The following CFAP206 variants were observed in gnomAD, a reference collection of about 807,000 sequenced individuals.
CFAP206 encodes cilia and flagella associated protein 206.
Under a neutral mutation model 65.4 loss-of-function variants are expected in CFAP206, and 53 were observed. The observed-to-expected ratio is 0.81, with a 90% CI of 0.65 to 1.02. The LOEUF (loss-of-function observed/expected upper bound fraction) is 1.02. CFAP206 is among the 50% of genes least tolerant of loss of function. The pLI is 0.00. For missense variants in CFAP206, 663 were observed against 753.2 expected (o/e 0.88, Z 1.40); for synonymous variants, 250 against 254.4 (o/e 0.98, Z 0.17).
intron 12 of CFAP206, among the ~76,000 whole-genome samples, chr6:87,462,275 C>T (rs1768762686): frequency 6.6e-6 from 1 of 152,188 alleles, no homozygotes; most frequent in South Asian, 2.1e-4. Context: ...ATTTCCTTTG[C>T]TACTCACTCT....
chr6:87,446,466 G>C (rs1360544304), intron 11 of CFAP206, among the ~76,000 whole-genome samples: 2 of 152,062 alleles, frequency 1.3e-5, no homozygotes, highest in Non-Finnish European at 2.9e-5. Flanking sequence ...ATTAAATAGG[G>C]CATCCTTTCC....
intron 6 of CFAP206, 27 bp from the exon 7 acceptor site, chr6:87,418,181 G>T (rs763708093): frequency 1.9e-6 from 3 of 1,605,604 alleles, no homozygotes; most frequent in Admixed American, 3.3e-5. Flanking sequence ...CTCCTTTATG[G>T]CTGCCTTTTC....
intron 7 of CFAP206, among the ~76,000 whole-genome samples, chr6:87,420,673 T>C (rs1422359475): frequency 6.6e-6 from 1 of 152,210 alleles, no homozygotes; most frequent in Non-Finnish European, 1.5e-5. Flanking sequence ...TGTTTATGAT[T>C]ATCATCATCA....
At chr6:87,460,326 A>G (rs887803072) in intron 11 of CFAP206, among the ~76,000 whole-genome samples, 2 of 152,240 alleles carry the variant, frequency 1.3e-5, no homozygotes, top group Non-Finnish European at 2.9e-5. Context: ...ATAACCTGCT[A>G]TGTATGCATA....
At chr6:87,423,396 C>T (rs6912300) in intron 7 of CFAP206, among the ~76,000 whole-genome samples, 40,123 of 151,526 alleles carry the variant, frequency 0.26, 5,402 homozygotes, top group African/African-American at 0.31. Flanking sequence ...CTACAGGCGC[C>T]CGCCACCACG....
chr6:87,421,272 G>A (rs1264604187), intron 7 of CFAP206, among the ~76,000 whole-genome samples: 2 of 152,178 alleles, frequency 1.3e-5, no homozygotes, highest in Non-Finnish European at 2.9e-5. Context: ...GATCACCTGA[G>A]GTCAGAAGTT....
chr6:87,411,127 T>A (rs574535640), intron 3 of CFAP206, among the ~76,000 whole-genome samples: 18 of 152,292 alleles, frequency 1.2e-4, no homozygotes, highest in Non-Finnish European at 2.5e-4. Context: ...GCTCTGTTAG[T>A]AAGGAAGGAA....
intron 11 of CFAP206, among the ~76,000 whole-genome samples, chr6:87,460,374 G>A (rs1768725446): frequency 6.6e-6 from 1 of 152,188 alleles, no homozygotes; most frequent in South Asian, 2.1e-4. Flanking sequence ...GGTTTTGATA[G>A]TTCAAATAGA....
intron 3 of CFAP206, among the ~76,000 whole-genome samples, chr6:87,411,451 T>C (rs1490558391): frequency 6.6e-6 from 1 of 152,234 alleles, no homozygotes; most frequent in Non-Finnish European, 1.5e-5. Context: ...GATGCATAGT[T>C]TGTACATATT....
intron 11 of CFAP206, among the ~76,000 whole-genome samples, chr6:87,453,047 G>T (rs1176712558): frequency 6.6e-6 from 1 of 151,752 alleles, no homozygotes; most frequent in African/African-American, 2.4e-5. Flanking sequence ...AACTCCTAAA[G>T]GTCAAGGATA....
At chr6:87,426,200 T>A (rs1266980798) in intron 7 of CFAP206, 1 of 154,338 alleles carries the variant, frequency 6.5e-6, no homozygotes, top group Non-Finnish European at 1.4e-5. Context: ...CATTGAGGAA[T>A]AGGAAAATAA....
chr6:87,416,021 T>C, intron 5 of CFAP206, 147 bp downstream of exon 5: 1 of 617,288 alleles, frequency 1.6e-6, no homozygotes. Flanking sequence ...AGTTAAAATG[T>C]ACCCAGTCTC....
At position 87,408,005 on chromosome 6, in the gene CFAP206, G is replaced by C. The variant is rs538728543; in HGVS notation, c.-90G>C. ...TCCATGGTTACGCGGCGGTGGCTGC[G>C]AGCGCCCAACTGCTCCGACCGTCGC... is the stretch of plus-strand genomic sequence containing the variant. On this transcript the variant is annotated 5_prime_UTR_variant, in exon 1 of 13. Coordinates refer to ENST00000369562, the MANE Select transcript of CFAP206 (RefSeq NM_001031743.3). The C allele has an allele frequency of 1.1e-4, 108 of 985,504 alleles. No individual in the cohort carries two copies. The African/African-American group carries it at 1.7e-3, about 16-fold the overall frequency. 61.0% of individuals were successfully genotyped at this position (985,504 alleles called of 1,614,324 possible).
At chr6:87,440,467 C>T (rs1017053817) in intron 11 of CFAP206, among the ~76,000 whole-genome samples, 1 of 151,520 alleles carries the variant, frequency 6.6e-6, no homozygotes, top group African/African-American at 2.4e-5. Context: ...TTTTTTAACG[C>T]GATATTGCTT....
chr6:87,440,110 T>G (rs1768340335), intron 11 of CFAP206, among the ~76,000 whole-genome samples: 1 of 152,178 alleles, frequency 6.6e-6, no homozygotes, highest in South Asian at 2.1e-4. Context: ...TTTACAACAT[T>G]GAGTCTCCCT....
chr6:87,447,383 T>A (rs916069664), intron 11 of CFAP206, among the ~76,000 whole-genome samples: 2 of 152,050 alleles, frequency 1.3e-5, no homozygotes, highest in Non-Finnish European at 2.9e-5. Context: ...TGATTGAGAG[T>A]TTTTAACATG....
At chr6:87,436,976 TG>T (rs1768278400) in intron 11 of CFAP206, among the ~76,000 whole-genome samples, 1 of 152,172 alleles carries the variant, frequency 6.6e-6, no homozygotes, top group Non-Finnish European at 1.5e-5. Context: ...TATTATTGTT[TG>T]TTTTTTTTTC....
chr6:87,439,671 G>T (rs566111040), intron 11 of CFAP206, among the ~76,000 whole-genome samples: 1 of 151,840 alleles, frequency 6.6e-6, no homozygotes, highest in South Asian at 2.1e-4. Context: ...AATATGTTTT[G>T]TCTATTATGT....
intron 3 of CFAP206, 78 bp downstream of exon 3, chr6:87,410,746 C>T (rs1258557596): frequency 4.0e-5 from 45 of 1,113,088 alleles, no homozygotes; most frequent in Non-Finnish European, 6.0e-5. Context: ...GTCATTATTG[C>T]CTTCAGCTGC....
Sources: allele counts gnomAD v4.1 joint callset (sites outside exome capture counted in the v4.1 genomes callset), GRCh38; gene constraint gnomAD v4.1.1; transcripts MANE v1.5; gene names NCBI Gene and HGNC (gene_info 2026-07-23, HGNC 2026-07-21).